The following AKT3 variants were observed in gnomAD, a reference collection of about 807,000 sequenced individuals.
AKT3 encodes the protein AKT serine/threonine kinase 3.
AKT3 carries 15 observed loss-of-function variants against 65.3 expected under a neutral mutation model. The observed-to-expected ratio is 0.23, with a 90% CI of 0.15 to 0.35. The LOEUF (loss-of-function observed/expected upper bound fraction) is 0.35. Ranked by LOEUF, AKT3 falls within the 10% of genes least tolerant of loss-of-function variation. The pLI, the probability that AKT3 is intolerant of heterozygous loss-of-function variation, is 1.00. For missense variants in AKT3, 243 were observed against 576.5 expected (o/e 0.42, Z 5.92); for synonymous variants, 206 against 183.8 (o/e 1.12, Z -0.98).
At position 243,563,597 on chromosome 1, in the gene AKT3, T is replaced by A. The variant is rs562206199; in HGVS notation, c.948+123A>T. On this transcript the variant is annotated intron_variant, in intron 10 of 13. Coordinates refer to ENST00000673466, the MANE Select transcript of AKT3 (RefSeq NM_005465.7). ...ATAACAAATTAAGAGCCAAAAAATT[T>A]TGATTCAGGTTGAAATATAGATAAA... is the stretch of plus-strand genomic sequence containing the variant. 13 of 1,252,426 alleles carry A rather than the reference T, an allele frequency of 1.0e-5. No individual in the cohort carries two copies. The East Asian group carries it at 3.0e-4, about 29-fold the overall frequency. The allele number at this position is 1,252,426 out of a possible 1,614,324, so 77.6% of individuals were successfully genotyped here.
chr1:243,696,071 A>G (rs1685042751), intron 2 of AKT3, among the ~76,000 whole-genome samples: 1 of 151,896 alleles, frequency 6.6e-6, no homozygotes. Context: ...TCCACACAGT[A>G]TCAATGAATT....
intron 2 of AKT3, among the ~76,000 whole-genome samples, chr1:243,703,856 A>G (rs1281604501): frequency 1.3e-5 from 2 of 152,154 alleles, no homozygotes; most frequent in Non-Finnish European, 2.9e-5. Flanking sequence ...TCAACTGCAC[A>G]GGGACAATAT....
intron 8 of AKT3, 114 bp from the exon 9 acceptor site, chr1:243,573,162 T>G (rs1007400318): frequency 7.9e-7 from 1 of 1,272,118 alleles, no homozygotes; most frequent in Non-Finnish European, 1.1e-6. Context: ...TAGTGTACTC[T>G]CAGTGGACAC....
chr1:243,629,465 G>C (rs1679435029), intron 6 of AKT3, among the ~76,000 whole-genome samples: 1 of 152,016 alleles, frequency 6.6e-6, no homozygotes, highest in Non-Finnish European at 1.5e-5. Flanking sequence ...ATGCTTGTTT[G>C]AGGTGGCTAT....
intron 2 of AKT3, among the ~76,000 whole-genome samples, chr1:243,728,189 C>A (rs1201037617): frequency 6.6e-6 from 1 of 152,156 alleles, no homozygotes; most frequent in Non-Finnish European, 1.5e-5. Context: ...AATAGAAAGC[C>A]CCAACAGTAT....
chr1:243,625,585 CAG>C (rs1476520614), intron 6 of AKT3, among the ~76,000 whole-genome samples: 1 of 152,120 alleles, frequency 6.6e-6, no homozygotes, highest in Non-Finnish European at 1.5e-5. Flanking sequence ...AAAAAACAGA[CAG>C]TATATCTATG....
chr1:243,572,908 CTTTTTT>C lies in AKT3; in HGVS notation c.819+12_819+17del. 3 of 1,503,932 alleles carry C rather than the reference CTTTTTT, an allele frequency of 2.0e-6. No homozygotes were observed. The highest frequency in any genetic ancestry group is 2.7e-6 in the Non-Finnish European group (3 of 1,117,246). The allele number at this position is 1,503,932 out of a possible 1,614,324, so 93.2% of individuals were successfully genotyped here. On this transcript the variant is annotated intron_variant, in intron 9 of 13. Coordinates refer to ENST00000673466, the MANE Select transcript of AKT3 (RefSeq NM_005465.7). ...TCTCTGCAAAAACAAATTTTGATTA[CTTTTTT>C]TTTTTTTTTACCTTGAGATCACGGT...
intron 6 of AKT3, among the ~76,000 whole-genome samples, chr1:243,633,878 C>T (rs1679785679): frequency 6.6e-6 from 1 of 152,022 alleles, no homozygotes; most frequent in Admixed American, 6.6e-5. Flanking sequence ...GATCCAATTC[C>T]ATGCTGTCTC....
At chr1:243,745,251 G>A (rs189214978) in intron 2 of AKT3, among the ~76,000 whole-genome samples, 198 of 152,176 alleles carry the variant, frequency 1.3e-3, no homozygotes, top group African/African-American at 4.4e-3. Context: ...GAGGTGGAAG[G>A]ATTACTTGAG....
chr1:243,850,071 G>C lies in AKT3; in HGVS notation c.-144C>G. 1 of 951,196 alleles carries C rather than the reference G, an allele frequency of 1.1e-6. No homozygotes were observed. Among genetic ancestry groups the C allele is most frequent in the Non-Finnish European group, 1.2e-6 (1 of 801,300 alleles). The allele number at this position is 951,196 out of a possible 1,614,324, so 58.9% of individuals were successfully genotyped here. A position where few individuals can be genotyped will look rare whatever the true frequency, so the allele number is the denominator to read the frequency against. On this transcript the variant is annotated 5_prime_UTR_variant, in exon 1 of 14. Coordinates refer to ENST00000673466, the MANE Select transcript of AKT3 (RefSeq NM_005465.7). Reference sequence around the variant, plus strand: ...CGGCGGCGGCGGCGGTGGCGGCCCCGCAGCTGCTCGGGCGGCGGCGGAGGA... The same window carrying C: ...CGGCGGCGGCGGCGGTGGCGGCCCCCCAGCTGCTCGGGCGGCGGCGGAGGA...
intron 2 of AKT3, among the ~76,000 whole-genome samples, chr1:243,833,576 G>A (rs1694685328): frequency 6.6e-6 from 1 of 152,022 alleles, no homozygotes. Context: ...TGAGATTTGG[G>A]TAGGGACACG....
intron 8 of AKT3, among the ~76,000 whole-genome samples, chr1:243,611,683 C>A (rs201055369): frequency 6.8e-5 from 10 of 147,330 alleles, no homozygotes; most frequent in Non-Finnish European, 3.0e-5. Flanking sequence ...GACCCCATCT[C>A]AAAAAAAAAA....
At chr1:243,741,771 G>T (rs529587907) in intron 2 of AKT3, 156 of 152,048 alleles carry the variant, frequency 1.0e-3, no homozygotes, top group African/African-American at 3.6e-3. Context: ...TTCCTACCTT[G>T]GTACAAACTC....
At chr1:243,831,517 T>C (rs1180129136) in intron 2 of AKT3, among the ~76,000 whole-genome samples, 1 of 152,094 alleles carries the variant, frequency 6.6e-6, no homozygotes, top group Non-Finnish European at 1.5e-5. Flanking sequence ...AGAAAATTAG[T>C]GGTAGGTGCA....
chr1:243,767,545 T>C (rs540465250), intron 2 of AKT3, among the ~76,000 whole-genome samples: 3 of 152,240 alleles, frequency 2.0e-5, no homozygotes, highest in South Asian at 2.1e-4. Flanking sequence ...TTTCCACTAA[T>C]AGATAACTTT....
chr1:243,541,047 A>G (rs1672282529), intron 12 of AKT3, among the ~76,000 whole-genome samples: 8 of 152,170 alleles, frequency 5.3e-5, no homozygotes, highest in Admixed American at 3.3e-4. Flanking sequence ...AAAGTTAGTC[A>G]TTTTACCTTT....
chr1:243,613,781 T>C, intron 7 of AKT3, 42 bp from the exon 8 acceptor site: 2 of 1,285,914 alleles, frequency 1.6e-6, no homozygotes, highest in South Asian at 1.5e-5. Context: ...TATAATCCTG[T>C]ATTCTTATAA....
At chr1:243,566,077 G>C (rs977459653) in intron 9 of AKT3, among the ~76,000 whole-genome samples, 1 of 152,044 alleles carries the variant, frequency 6.6e-6, no homozygotes, top group African/African-American at 2.4e-5. Flanking sequence ...AAGTCTTCAT[G>C]GAAACATGAC....
chr1:243,569,164 G>A (rs966102912), intron 9 of AKT3, among the ~76,000 whole-genome samples: 16 of 152,094 alleles, frequency 1.1e-4, no homozygotes, highest in Admixed American at 7.2e-4. Context: ...TTAAGTTTAC[G>A]GGCATCCAGT....
Sources: gnomAD v4.1 joint callset for allele counts (sites outside exome capture counted in the v4.1 genomes callset) on GRCh38, gnomAD v4.1.1 for gene constraint, MANE v1.5 for transcripts, NCBI Gene and HGNC (gene_info 2026-07-23, HGNC 2026-07-21) for gene names.